ATP2C1: variants seen among roughly 807,000 people sequenced by gnomAD.
ATP2C1 encodes the protein ATPase secretory pathway Ca2+ transporting 1.
In ATP2C1, 31 loss-of-function variants were observed where a neutral mutation model predicts 120.5. The observed-to-expected ratio is 0.26, with a 90% confidence interval of 0.19 to 0.35. ATP2C1 has a LOEUF of 0.35. Ranked by LOEUF, ATP2C1 falls within the 10% of genes least tolerant of loss-of-function variation. The pLI, the probability that ATP2C1 is intolerant of heterozygous loss-of-function variation, is 1.00. For missense variants in ATP2C1, 731 were observed against 1,107.5 expected (o/e 0.66, Z 4.83); for synonymous variants, 351 against 358.7 (o/e 0.98, Z 0.24).
intron 8 of ATP2C1, among the ~76,000 whole-genome samples, chr3:130,945,483 T>A (rs1238815889): frequency 3.9e-5 from 1 of 25,758 alleles, no homozygotes; most frequent in Non-Finnish European, 1.4e-4. Flanking sequence ...TCATTTACAT[T>A]AGATAATATC....
intron 1 of ATP2C1, among the ~76,000 whole-genome samples, chr3:130,873,836 G>T (rs1559875190): frequency 6.6e-6 from 1 of 152,126 alleles, no homozygotes; most frequent in East Asian, 1.9e-4. Flanking sequence ...ATCTAGCCAG[G>T]CACCGTGGCT....
At chr3:130,997,973 A>T (rs1274163593) in intron 25 of ATP2C1, among the ~76,000 whole-genome samples, 6 of 152,216 alleles carry the variant, frequency 3.9e-5, no homozygotes, top group Admixed American at 6.5e-5. Context: ...ATCAGTTACA[A>T]TAAAAATACA....
chr3:130,989,252 A>AC (rs1431265508), intron 20 of ATP2C1, among the ~76,000 whole-genome samples: 1 of 147,454 alleles, frequency 6.8e-6, no homozygotes, highest in Non-Finnish European at 1.5e-5. Context: ...CATCTCAAAA[A>AC]AAAAAAAAAC....
chr3:130,960,836 A>G (rs1166334353), intron 12 of ATP2C1, among the ~76,000 whole-genome samples: 1 of 152,172 alleles, frequency 6.6e-6, no homozygotes, highest in Non-Finnish European at 1.5e-5. Context: ...CCATCCTTAT[A>G]TGAATTCCAG....
intron 20 of ATP2C1, among the ~76,000 whole-genome samples, chr3:130,989,420 C>A (rs2062197341): frequency 6.6e-6 from 1 of 151,408 alleles, no homozygotes; most frequent in Non-Finnish European, 1.5e-5. Context: ...ACAAAATTAG[C>A]TGGGCGTGGT....
chr3:130,953,671 A>G (rs561885334), intron 8 of ATP2C1, 150 bp from the exon 9 acceptor site: 1 of 817,212 alleles, frequency 1.2e-6, no homozygotes, highest in South Asian at 1.4e-5. Context: ...GATTGTACTG[A>G]TTCTGGTCTT....
chr3:130,991,093 C>A (rs1054651141), intron 20 of ATP2C1, among the ~76,000 whole-genome samples: 2 of 152,118 alleles, frequency 1.3e-5, no homozygotes, highest in Admixed American at 1.3e-4. Context: ...AATTCTGAGA[C>A]CTCTTATAGA....
chr3:130,955,227 G>A (rs183880846), intron 10 of ATP2C1, 147 bp downstream of exon 10: 43 of 677,986 alleles, frequency 6.3e-5, no homozygotes, highest in African/African-American at 6.0e-4. Context: ...AAACATAATT[G>A]GAAAGCCTGT....
rs553663921 is a variant in ATP2C1, at chr3:130,996,850, G to A, written c.2243+54G>A. ...AAAGACAAGGAATGTGTACTACCCT[G>A]ATAATTAAGTTTTAAAACTTGATTT... On this transcript the variant is annotated intron_variant, in intron 24 of 27. Coordinates refer to ENST00000510168, the MANE Select transcript of ATP2C1 (RefSeq NM_001378687.1). The A allele has an allele frequency of 9.1e-6, 11 of 1,211,824 alleles. No homozygotes were observed. The African/African-American group carries it at 1.6e-4, about 18-fold the overall frequency. 75.1% of individuals were successfully genotyped at this position (1,211,824 alleles called of 1,614,324 possible). A position where few individuals can be genotyped will look rare whatever the true frequency, so the allele number is the denominator to read the frequency against.
At chr3:130,918,292 C>T (rs1576706686) in intron 2 of ATP2C1, 1 of 1,553,446 alleles carries the variant, frequency 6.4e-7, no homozygotes, top group South Asian at 1.1e-5. Flanking sequence ...TTGCATAGCA[C>T]CCTTTACAAT....
rs56070977 is a variant in ATP2C1 at position 130,937,682 on chromosome 3, C to T, written c.360+219C>T. Among the ~76,000 whole-genome samples, 26,859 of 152,050 alleles carry T rather than the reference C, an allele frequency of 0.18. 2,529 individuals are homozygous for T. Among genetic ancestry groups the T allele is most frequent in the Middle Eastern group, 0.24 (72 of 294 alleles). On this transcript the variant is annotated intron_variant, in intron 6 of 27. Transcript: ENST00000510168. The stretch of plus-strand genomic sequence containing the variant: ...ATTTAGGTAGTGAGATGAAGAAAAT[C>T]TAGTTTTTTATTTGATAATGTTAAG...
intron 20 of ATP2C1, among the ~76,000 whole-genome samples, chr3:130,983,846 C>T (rs2061882408): frequency 6.6e-6 from 1 of 152,144 alleles, no homozygotes; most frequent in Admixed American, 6.6e-5. Context: ...CTTAGTAGCT[C>T]ATTTCTTGTG....
chr3:130,919,812 A>T (rs2058869854), intron 2 of ATP2C1, among the ~76,000 whole-genome samples: 1 of 152,240 alleles, frequency 6.6e-6, no homozygotes, highest in South Asian at 2.1e-4. Context: ...TCCCACCAAC[A>T]GGATTCCAAT....
Position 130,894,173 on chromosome 3 carries a change from C to CCA in ATP2C1, c.-344_-343insAC. 1 of 865,216 alleles carries CCA rather than the reference C, an allele frequency of 1.2e-6. No individual in the cohort carries two copies. The highest frequency in any genetic ancestry group is 1.4e-6 in the Non-Finnish European group (1 of 720,694). The allele number at this position is 865,216 out of a possible 1,614,324, so 53.6% of individuals were successfully genotyped here. A position where few individuals can be genotyped will look rare whatever the true frequency, so the allele number is the denominator to read the frequency against. On this transcript the variant is annotated 5_prime_UTR_variant, in exon 1 of 28. Coordinates refer to ENST00000510168, the MANE Select transcript of ATP2C1 (RefSeq NM_001378687.1). This position sits in a 1 kb window ranked among gnomAD's most constrained non-coding sequence, Gnocchi z 4.5. Reference sequence around the variant, plus strand: ...CTCCCCTCCCCGCCCGCCCTCTCTCCCTCCCTTCCTCCCTCCCGCTCGCTT... The same window carrying CCA: ...CTCCCCTCCCCGCCCGCCCTCTCTCCCACTCCCTTCCTCCCTCCCGCTCGCTT...
intron 3 of ATP2C1, 131 bp downstream of exon 3, chr3:130,930,657 G>A (rs1005386153): frequency 2.8e-6 from 2 of 720,864 alleles, no homozygotes; most frequent in Non-Finnish European, 5.1e-6. Flanking sequence ...CAGCATAGTA[G>A]CCACAAGTTG....
intron 1 of ATP2C1, among the ~76,000 whole-genome samples, chr3:130,880,225 G>A (rs1338232679): frequency 6.6e-6 from 1 of 152,110 alleles, no homozygotes; most frequent in Admixed American, 6.6e-5. Context: ...CTGGGACACT[G>A]CTCATTTAAA....
intron 8 of ATP2C1, among the ~76,000 whole-genome samples, chr3:130,952,088 C>T (rs559849141): frequency 6.6e-6 from 1 of 152,268 alleles, no homozygotes; most frequent in Admixed American, 6.5e-5. Flanking sequence ...TCAGGTCTGT[C>T]AGGGCTCTGC....
intron 16 of ATP2C1, among the ~76,000 whole-genome samples, chr3:130,968,085 G>C (rs2061135053): frequency 2.0e-5 from 3 of 152,110 alleles, no homozygotes. Flanking sequence ...TCTAAATGAG[G>C]TTGCTTGAAA....
At chr3:130,853,751 C>T (rs544849595) in intron 1 of ATP2C1, among the ~76,000 whole-genome samples, 12 of 152,214 alleles carry the variant, frequency 7.9e-5, no homozygotes, top group Non-Finnish European at 1.3e-4. Context: ...GATTTCATGT[C>T]GATATTCGTG....
Sources: gnomAD v4.1 joint callset for allele counts (sites outside exome capture counted in the v4.1 genomes callset) on GRCh38, gnomAD v4.1.1 for gene constraint, Gnocchi (gnomAD v3.1) non-coding constraint, MANE v1.5 for transcripts, NCBI Gene and HGNC (gene_info 2026-07-23, HGNC 2026-07-21) for gene names.